Variants in AATF observed in about 807,000 individuals in gnomAD.
AATF encodes apoptosis antagonizing transcription factor, also known as protein AATF.
In AATF, 48 loss-of-function variants were observed where a neutral mutation model predicts 63.7. The ratio of observed to expected loss-of-function variants is 0.75; its 90% confidence interval spans 0.60 to 0.96. The LOEUF is 0.96. AATF is among the 40% of genes least tolerant of loss of function. The probability of loss-of-function intolerance (pLI) is 0.00; values close to 1 mark genes in which losing one functional copy is unlikely to be tolerated. For missense variants in AATF, 639 were observed against 685.7 expected (o/e 0.93, Z 0.76); for synonymous variants, 258 against 247.7 (o/e 1.04, Z -0.39).
chr17:37,000,309 G>A (rs1370344259), intron 8 of AATF, among the ~76,000 whole-genome samples: 1 of 152,152 alleles, frequency 6.6e-6, no homozygotes, highest in East Asian at 1.9e-4. Context: ...AGTCAAGAAT[G>A]ACCATTAAGA....
intron 11 of AATF, among the ~76,000 whole-genome samples, chr17:37,053,875 A>T (rs563634947): frequency 6.6e-6 from 1 of 152,322 alleles, no homozygotes; most frequent in South Asian, 2.1e-4. Flanking sequence ...AAAAAAAAAT[A>T]GTTTATGTGT....
chr17:37,031,560 C>T lies in AATF; in HGVS notation c.1548-54C>T, dbSNP rs185940851. Reference sequence around the variant, plus strand: ...TGTTAACTCACTGAATGTGTTTCCTCTCCTAGGTTAATAGTTACTAATGTT... The same window carrying T: ...TGTTAACTCACTGAATGTGTTTCCTTTCCTAGGTTAATAGTTACTAATGTT... On this transcript the variant is annotated intron_variant, in intron 10 of 11. Transcript: ENST00000619387. 4.5e-5 allele frequency: 63 copies of T among 1,390,770 alleles called. No homozygotes were observed. The African/African-American group carries it at 7.0e-4, about 15-fold the overall frequency. The allele number at this position is 1,390,770 out of a possible 1,614,324, so 86.2% of individuals were successfully genotyped here.
At chr17:37,024,927 C>G (rs943758923) in intron 10 of AATF, among the ~76,000 whole-genome samples, 1 of 152,018 alleles carries the variant, frequency 6.6e-6, no homozygotes, top group Non-Finnish European at 1.5e-5. Flanking sequence ...CCACTGCACT[C>G]CAGCCTGAGT....
At chr17:36,969,362 A>G (rs1448794589) in intron 4 of AATF, among the ~76,000 whole-genome samples, 2 of 152,240 alleles carry the variant, frequency 1.3e-5, no homozygotes, top group East Asian at 3.8e-4. Context: ...TTTGCCCTCA[A>G]CTATGATCTG....
chr17:36,949,289 A>T, intron 1 of AATF, 73 bp downstream of exon 1: 1 of 1,427,662 alleles, frequency 7.0e-7, no homozygotes, highest in Non-Finnish European at 9.4e-7. Context: ...GCGGCGTGGG[A>T]GGGGCGTGCG....
Position 36,948,978 on chromosome 17 carries a change from A to T in AATF, c.-148A>T. 1 of 712,678 alleles carries T rather than the reference A, an allele frequency of 1.4e-6. No individual in the cohort carries two copies. Among genetic ancestry groups the T allele is most frequent in the South Asian group, 1.8e-5 (1 of 55,734 alleles). 44.1% of individuals were successfully genotyped at this position (712,678 alleles called of 1,614,324 possible). A position where few individuals can be genotyped will look rare whatever the true frequency, so the allele number is the denominator to read the frequency against. ...CGCGCCTCCCGGAAGTGGCCGGTCC[A>T]GAGCTGTGGGGTGGCCTCCGCGCGG... On this transcript the variant is annotated 5_prime_UTR_variant, in exon 1 of 12. Coordinates refer to ENST00000619387, the MANE Select transcript of AATF (RefSeq NM_012138.4).
At chr17:36,957,344 T>C (rs535473980) in intron 4 of AATF, among the ~76,000 whole-genome samples, 1 of 152,294 alleles carries the variant, frequency 6.6e-6, no homozygotes, top group Non-Finnish European at 1.5e-5. Context: ...TAGGTACTAA[T>C]ATTATCTTTT....
intron 2 of AATF, among the ~76,000 whole-genome samples, chr17:36,950,985 A>G (rs1352248009): frequency 2.0e-5 from 3 of 152,184 alleles, no homozygotes; most frequent in Non-Finnish European, 4.4e-5. Flanking sequence ...CAGGACTTGC[A>G]TTGAAGCACT....
Position 36,959,770 on chromosome 17 carries a change from A to G in AATF, c.832+5863A>G, listed in dbSNP as rs936123335. Among the ~76,000 whole-genome samples, 3 of 152,198 alleles carry G rather than the reference A, an allele frequency of 2.0e-5. 1 individual carries two copies. The South Asian group carries it at 6.2e-4, about 32-fold the overall frequency. ...AATGCAATATCATTAAAGACCTTTA[A>G]TAGAAACAATGGTTGTCATTTTGAT... On this transcript the variant is annotated intron_variant, in intron 4 of 11. Coordinates refer to ENST00000619387, the MANE Select transcript of AATF (RefSeq NM_012138.4).
chr17:37,045,458 C>G (rs541545782), intron 11 of AATF: 1 of 152,402 alleles, frequency 6.6e-6, no homozygotes, highest in East Asian at 1.9e-4. Flanking sequence ...CCAGGAGACA[C>G]AGTCCTGTTC....
intron 11 of AATF, among the ~76,000 whole-genome samples, chr17:37,042,065 T>G (rs1444020668): frequency 6.6e-6 from 1 of 152,168 alleles, no homozygotes; most frequent in Non-Finnish European, 1.5e-5. Context: ...CTGTATGAAT[T>G]CTCTATATTA....
At chr17:36,949,690 G>A (rs1474493152) in intron 1 of AATF, among the ~76,000 whole-genome samples, 1 of 152,236 alleles carries the variant, frequency 6.6e-6, no homozygotes, top group Admixed American at 6.5e-5. Flanking sequence ...CACTTGTTCA[G>A]TGGCTGACGA....
intron 8 of AATF, among the ~76,000 whole-genome samples, chr17:37,012,213 C>T (rs887366949): frequency 2.0e-5 from 3 of 152,126 alleles, no homozygotes; most frequent in Non-Finnish European, 2.9e-5. Flanking sequence ...GCCACCATGC[C>T]CAGTTAATTT....
chr17:37,015,063 CTT>C (rs1157106536), intron 8 of AATF, among the ~76,000 whole-genome samples: 2 of 152,034 alleles, frequency 1.3e-5, no homozygotes, highest in African/African-American at 2.4e-5. Flanking sequence ...CCTTGAGTCT[CTT>C]TTCTATTTGT....
chr17:37,011,701 GAA>G (rs2071392437), intron 8 of AATF, among the ~76,000 whole-genome samples: 1 of 152,186 alleles, frequency 6.6e-6, no homozygotes, highest in African/African-American at 2.4e-5. Context: ...CTGATACCGA[GAA>G]AAGAGTGTTT....
chr17:37,054,480 G>C (rs1466187004), intron 11 of AATF: 3 of 152,168 alleles, frequency 2.0e-5, no homozygotes, highest in South Asian at 2.1e-4. Flanking sequence ...CTCTCTCTCT[G>C]AAAATATTTT....
chr17:37,037,010 G>GTTTTTTT (rs374106722), intron 11 of AATF, among the ~76,000 whole-genome samples: 4 of 133,480 alleles, frequency 3.0e-5, no homozygotes, highest in African/African-American at 1.1e-4. Context: ...TCATCTTTTT[G>GTTTTTTT]TTTTTTTTTT....
intron 11 of AATF, chr17:37,052,837 C>T (rs912197493): frequency 2.0e-5 from 3 of 152,310 alleles, no homozygotes; most frequent in African/African-American, 2.4e-5. Context: ...AGAAAGCAAA[C>T]GCCTAAGGAC....
At chr17:37,044,207 C>A (rs918930565) in intron 11 of AATF, among the ~76,000 whole-genome samples, 1 of 152,148 alleles carries the variant, frequency 6.6e-6, no homozygotes, top group African/African-American at 2.4e-5. Flanking sequence ...ATATACTTTC[C>A]TCTGCTTCCA....
Sources: gnomAD v4.1 joint callset for allele counts (sites outside exome capture counted in the v4.1 genomes callset) on GRCh38, gnomAD v4.1.1 for gene constraint, MANE v1.5 for transcripts, NCBI Gene and HGNC (gene_info 2026-07-23, HGNC 2026-07-21) for gene names.